NUBPL: variants seen among roughly 807,000 people sequenced by gnomAD.
The protein encoded by NUBPL is NUBP iron-sulfur cluster assembly factor, mitochondrial.
In NUBPL, 31 loss-of-function variants were observed where a neutral mutation model predicts 45.7. The observed-to-expected ratio is 0.68, with a 90% CI of 0.51 to 0.92. The LOEUF (loss-of-function observed/expected upper bound fraction) is 0.92. NUBPL is among the 40% of genes least tolerant of loss of function. NUBPL has a pLI of 0.00. For missense variants in NUBPL, 401 were observed against 398.7 expected (o/e 1.01, Z -0.05); for synonymous variants, 144 against 140.9 (o/e 1.02, Z -0.15).
intron 7 of NUBPL, among the ~76,000 whole-genome samples, chr14:31,799,635 A>G (rs981791836): frequency 3.3e-5 from 5 of 152,216 alleles, no homozygotes; most frequent in African/African-American, 1.2e-4. Context: ...TGTGAAGTGT[A>G]TACAACATTA....
intron 3 of NUBPL, among the ~76,000 whole-genome samples, chr14:31,568,337 C>T (rs529469598): frequency 1.3e-5 from 2 of 152,232 alleles, no homozygotes; most frequent in African/African-American, 4.8e-5. Flanking sequence ...AACTCATTTC[C>T]TGTTTAGAAA....
chr14:31,820,058 T>C (rs1480153646), intron 7 of NUBPL, among the ~76,000 whole-genome samples: 1 of 148,020 alleles, frequency 6.8e-6, no homozygotes, highest in Non-Finnish European at 1.5e-5. Flanking sequence ...GAGAATGGCA[T>C]GAACCCAGGA....
At chr14:31,759,983 T>A (rs1247958682) in intron 6 of NUBPL, among the ~76,000 whole-genome samples, 2 of 151,584 alleles carry the variant, frequency 1.3e-5, no homozygotes, top group Admixed American at 1.3e-4. Context: ...TTCAACTTAG[T>A]ATGGGTTTTT....
At chr14:31,733,380 T>G (rs1181046069) in intron 6 of NUBPL, among the ~76,000 whole-genome samples, 1 of 152,176 alleles carries the variant, frequency 6.6e-6, no homozygotes, top group Non-Finnish European at 1.5e-5. Context: ...TGTTAATTTC[T>G]GCTAGGATTT....
chr14:31,614,856 G>T (rs11625312), intron 4 of NUBPL, among the ~76,000 whole-genome samples: 45,962 of 151,896 alleles, frequency 0.3, 7,686 homozygotes, highest in South Asian at 0.41. Flanking sequence ...AAGTGTTTTT[G>T]TGTGTGTGTA....
At chr14:31,813,648 T>C (rs971402004) in intron 7 of NUBPL, among the ~76,000 whole-genome samples, 1 of 152,140 alleles carries the variant, frequency 6.6e-6, no homozygotes, top group Admixed American at 6.6e-5. Flanking sequence ...CAACCTGTCA[T>C]CTACATTAGG....
chr14:31,793,397 G>A (rs75235504), intron 7 of NUBPL, among the ~76,000 whole-genome samples: 5,211 of 152,098 alleles, frequency 0.034, 281 homozygotes, highest in African/African-American at 0.12. Flanking sequence ...CCCCAAACCC[G>A]CATTTAGGAA....
intron 7 of NUBPL, among the ~76,000 whole-genome samples, chr14:31,817,862 T>C (rs1163363003): frequency 6.6e-6 from 1 of 152,122 alleles, no homozygotes; most frequent in African/African-American, 2.4e-5. Flanking sequence ...AGATGCAGAC[T>C]GTCAAATTGG....
At chr14:31,586,973 T>G (rs2034011587) in intron 3 of NUBPL, among the ~76,000 whole-genome samples, 1 of 152,208 alleles carries the variant, frequency 6.6e-6, no homozygotes, top group South Asian at 2.1e-4. Flanking sequence ...TCTCAGTGTT[T>G]GGGACTCTAT....
At chr14:31,812,093 G>C (rs2039817138) in intron 7 of NUBPL, among the ~76,000 whole-genome samples, 1 of 152,186 alleles carries the variant, frequency 6.6e-6, no homozygotes, top group Non-Finnish European at 1.5e-5. Context: ...GCTACATGGG[G>C]GTCATGGACC....
At chr14:31,665,009 G>A (rs934416251) in intron 4 of NUBPL, among the ~76,000 whole-genome samples, 12 of 152,052 alleles carry the variant, frequency 7.9e-5, no homozygotes, top group African/African-American at 2.2e-4. Flanking sequence ...GTTGATTTGC[G>A]TAGAGGTGTT....
intron 7 of NUBPL, among the ~76,000 whole-genome samples, chr14:31,789,031 G>A (rs1346423836): frequency 1.3e-5 from 2 of 152,188 alleles, no homozygotes; most frequent in South Asian, 2.1e-4. Flanking sequence ...CACTGGATAA[G>A]AATAAATATT....
chr14:31,615,645 C>A (rs1419386502), intron 4 of NUBPL, among the ~76,000 whole-genome samples: 3 of 152,208 alleles, frequency 2.0e-5, no homozygotes, highest in Non-Finnish European at 4.4e-5. Flanking sequence ...TTTATGGCTG[C>A]ATAATATTTC....
At chr14:31,733,497 G>C (rs904531122) in intron 6 of NUBPL, among the ~76,000 whole-genome samples, 1 of 152,010 alleles carries the variant, frequency 6.6e-6, no homozygotes. Context: ...ATTTATTTAG[G>C]TATTTAAAAA....
chr14:31,603,799 G>C (rs988411241), intron 4 of NUBPL, among the ~76,000 whole-genome samples: 3 of 152,018 alleles, frequency 2.0e-5, no homozygotes, highest in Admixed American at 6.6e-5. Context: ...CTGTTATTCT[G>C]GTTTCTTTTT....
At chr14:31,606,946 A>T (rs902187870) in intron 4 of NUBPL, among the ~76,000 whole-genome samples, 29 of 152,214 alleles carry the variant, frequency 1.9e-4, no homozygotes, top group African/African-American at 7.0e-4. Context: ...GATGAGCACC[A>T]GGGGCTTAGT....
intron 8 of NUBPL, among the ~76,000 whole-genome samples, chr14:31,839,967 G>A (rs2040342404): frequency 6.6e-6 from 1 of 152,164 alleles, no homozygotes; most frequent in African/African-American, 2.4e-5. Context: ...TGTTGGCGAG[G>A]ATGTGAAGAA....
intron 6 of NUBPL, among the ~76,000 whole-genome samples, chr14:31,764,634 C>A (rs1566549608): frequency 6.6e-6 from 1 of 152,118 alleles, no homozygotes; most frequent in African/African-American, 2.4e-5. Flanking sequence ...CTCATCAGGG[C>A]AGAAGATTAT....
At chr14:31,566,978 C>T (rs2033452405) in intron 3 of NUBPL, among the ~76,000 whole-genome samples, 1 of 152,100 alleles carries the variant, frequency 6.6e-6, no homozygotes, top group Non-Finnish European at 1.5e-5. Flanking sequence ...TCTCTTTGGA[C>T]TTCTGTGATA....
Sources: allele counts gnomAD v4.1 joint callset (sites outside exome capture counted in the v4.1 genomes callset), GRCh38; gene constraint gnomAD v4.1.1; transcripts MANE v1.5; gene names NCBI Gene and HGNC (gene_info 2026-07-23, HGNC 2026-07-21).